Variants in JHY observed in about 807,000 individuals in gnomAD.
JHY encodes the protein jhy protein homolog.
In JHY, 69 loss-of-function variants were observed where a neutral mutation model predicts 78.0. The ratio of observed to expected loss-of-function variants is 0.88; its 90% CI spans 0.73 to 1.08. The LOEUF is 1.08. JHY is among the 50% of genes least tolerant of loss of function. The probability of loss-of-function intolerance (pLI) is 0.00; values close to 1 mark genes in which losing one functional copy is unlikely to be tolerated. For missense variants in JHY, 944 were observed against 927.8 expected, an observed-to-expected ratio of 1.02 and a Z score of -0.23; for synonymous variants, 368 against 342.6, an observed-to-expected ratio of 1.07 and a Z score of -0.82.
chr11:122,910,816 AT>A (rs1278583116), intron 3 of JHY, among the ~76,000 whole-genome samples: 19 of 152,156 alleles, frequency 1.2e-4, no homozygotes, highest in Admixed American at 9.8e-4. Flanking sequence ...AGAACTATTG[AT>A]TTTTAAAGTC....
Position 122,904,298 on chromosome 11 carries a change from C to A in JHY, c.718C>A (p.Leu240Met). 2.5e-5 allele frequency: 40 copies of A among 1,614,156 alleles called. No individual in the cohort carries two copies. The highest frequency in any genetic ancestry group is 3.4e-5 in the Non-Finnish European group (40 of 1,180,026). The stretch of plus-strand genomic sequence containing the variant: ...CTCAAGTTCACATAACGAGGTTTTC[C>A]TGCCGGGATCACGTGGCCCTCGGCG... Reference protein sequence around the residue: ...KSSSSHNEVFLPGSRGPRRRK... With the variant: ...KSSSSHNEVFMPGSRGPRRRK... Residue 240 changes from leucine (L) to methionine (M), a missense_variant, in exon 3 of 9, where the codon CTG becomes ATG. Transcript: ENST00000227349.
chr11:122,957,389 A>T lies in JHY; in HGVS notation c.2037A>T (p.Glu679Asp), dbSNP rs1354308615. Reference sequence around the variant, plus strand: ...CGCAAAAATTAATACAGCAAAAGGAATATGCAAAACAAGTCAAGGAGTACA... The same window carrying T: ...CGCAAAAATTAATACAGCAAAAGGATTATGCAAAACAAGTCAAGGAGTACA... ...DKTQKLIQQKEYAKQVKEYNM... is the reference protein window; with the variant it reads ...DKTQKLIQQKDYAKQVKEYNM... The change falls in exon 8 of 9, where the codon GAA (glutamate) becomes GAT (aspartate). Residue 679 changes from glutamate (E) to aspartate (D), a missense_variant. Transcript: ENST00000227349. 4.6e-6 allele frequency: 7 copies of T among 1,533,640 alleles called. No individual in the cohort carries two copies. The highest frequency in any genetic ancestry group is 6.1e-6 in the Non-Finnish European group (7 of 1,153,402).
intron 2 of JHY, among the ~76,000 whole-genome samples, chr11:122,894,322 A>C (rs879719621): frequency 7.9e-5 from 12 of 152,116 alleles, no homozygotes; most frequent in South Asian, 2.1e-4. Flanking sequence ...CAAAACAAAA[A>C]AAAAGCAAAC....
At position 122,924,843 on chromosome 11, in the gene JHY, C is replaced by T. The variant is rs1353181272; in HGVS notation, c.865-54C>T. 6 of 1,419,890 alleles carry T rather than the reference C, an allele frequency of 4.2e-6. No homozygotes were observed. In the African/African-American group the frequency reaches 8.5e-5, roughly 20 times the overall value. The allele number at this position is 1,419,890 out of a possible 1,614,324, so 88.0% of individuals were successfully genotyped here. A position where few individuals can be genotyped will look rare whatever the true frequency, so the allele number is the denominator to read the frequency against. ...GAGTGCACAGACTTGAGTCCCATGG[C>T]TCTAAGACTAAAATGAATCCAGTTA... On this transcript the variant is annotated intron_variant, in intron 3 of 8. Coordinates refer to ENST00000227349, the MANE Select transcript of JHY (RefSeq NM_024806.4).
chr11:122,939,394 A>G (rs543194223), intron 5 of JHY, among the ~76,000 whole-genome samples: 5 of 152,238 alleles, frequency 3.3e-5, no homozygotes, highest in East Asian at 3.9e-4. Context: ...ACAGGATTCT[A>G]TGGTGTAAAC....
In JHY at chr11:122,959,328, A is replaced by G. The variant is rs978532581; in HGVS notation, c.2220A>G (p.Pro740=). The G allele has an allele frequency of 1.2e-6, 2 of 1,614,050 alleles. No homozygotes were observed. Among genetic ancestry groups the G allele is most frequent in the African/African-American group, 2.7e-5 (2 of 74,916 alleles). ...THQASKEQKN[P]TYAGKEESLP... ...AAGCATCAAAGGAACAAAAAAATCC[A>G]ACCTATGCTGGGAAAGAAGAAAGTT... The change falls in exon 9 of 9, where the codon CCA becomes CCG. Residue 740 remains proline (P), a synonymous_variant. Coordinates refer to ENST00000227349, the MANE Select transcript of JHY (RefSeq NM_024806.4).
intron 1 of JHY, among the ~76,000 whole-genome samples, chr11:122,885,368 A>G (rs1172998666): frequency 6.6e-6 from 1 of 152,186 alleles, no homozygotes; most frequent in East Asian, 1.9e-4. Flanking sequence ...ATGAATAACT[A>G]CGGACCATAT....
intron 2 of JHY, among the ~76,000 whole-genome samples, chr11:122,888,101 C>T (rs1338416348): frequency 6.6e-6 from 1 of 151,832 alleles, no homozygotes; most frequent in Non-Finnish European, 1.5e-5. Context: ...TCATAAGTGT[C>T]TTAGTGATAT....
At chr11:122,928,572 C>CA (rs1486551541) in intron 4 of JHY, among the ~76,000 whole-genome samples, 1 of 147,970 alleles carries the variant, frequency 6.8e-6, no homozygotes. Context: ...AAAAAACAAG[C>CA]AAACAAACAA....
At chr11:122,921,092 T>C (rs1169602596) in intron 3 of JHY, among the ~76,000 whole-genome samples, 1 of 151,680 alleles carries the variant, frequency 6.6e-6, no homozygotes, top group Non-Finnish European at 1.5e-5. Context: ...AAAGAGATAA[T>C]GTAGAAGTAT....
chr11:122,942,029 G>A (rs903590612), intron 5 of JHY, among the ~76,000 whole-genome samples: 8 of 152,102 alleles, frequency 5.3e-5, no homozygotes, highest in Non-Finnish European at 1.2e-4. Flanking sequence ...GTGACACCAT[G>A]CCCAGCTAAT....
chr11:122,963,325 C>T lies in JHY; in HGVS notation c.*3880C>T, dbSNP rs186259648. 6.6e-6 allele frequency among the ~76,000 whole-genome samples: 1 copy of T among 152,102 alleles called. No homozygotes were observed. Among genetic ancestry groups the T allele is most frequent in the Non-Finnish European group, 1.5e-5 (1 of 68,002 alleles). On this transcript the variant is annotated 3_prime_UTR_variant, in exon 9 of 9. Transcript: ENST00000227349. The stretch of plus-strand genomic sequence containing the variant: ...CAACATTTCACAGGATTCTTACCCC[C>T]AAGGCAACTCTTTACTATCCAGTAC...
At chr11:122,927,537 C>A (rs769317423) in intron 4 of JHY, among the ~76,000 whole-genome samples, 1 of 152,058 alleles carries the variant, frequency 6.6e-6, no homozygotes. Flanking sequence ...TCTTCAACTA[C>A]CCAAGTCCAA....
chr11:122,957,364 C>T lies in JHY; in HGVS notation c.2012C>T (p.Thr671Met), dbSNP rs368088863. Reference protein sequence around the residue: ...GPDFESIRDKTQKLIQQKEYA... With the variant: ...GPDFESIRDKMQKLIQQKEYA... The stretch of plus-strand genomic sequence containing the variant: ...TCATAACTTTGTTTCTCTGAACAGA[C>T]GCAAAAATTAATACAGCAAAAGGAA... The change falls in exon 8 of 9, where the codon ACG becomes ATG. Residue 671 changes from threonine (T) to methionine (M), a missense_variant and splice_region_variant. Coordinates refer to ENST00000227349, the MANE Select transcript of JHY (RefSeq NM_024806.4). The T allele has an allele frequency of 6.6e-5, 100 of 1,524,342 alleles. No homozygotes were observed. The highest frequency in any genetic ancestry group is 2.0e-4 in the African/African-American group (14 of 68,590). The allele number at this position is 1,524,342 out of a possible 1,614,324, so 94.4% of individuals were successfully genotyped here. A position where few individuals can be genotyped will look rare whatever the true frequency, so the allele number is the denominator to read the frequency against.
intron 6 of JHY, among the ~76,000 whole-genome samples, chr11:122,955,521 A>T (rs1237588893): frequency 6.6e-6 from 1 of 152,100 alleles, no homozygotes; most frequent in Admixed American, 6.6e-5. Flanking sequence ...CCTGCCTATT[A>T]TTGTGCTCAG....
intron 2 of JHY, among the ~76,000 whole-genome samples, chr11:122,903,248 T>C (rs1168704061): frequency 6.6e-6 from 1 of 152,232 alleles, no homozygotes; most frequent in Admixed American, 6.5e-5. Context: ...CCAGCTGAAA[T>C]ACTGAGTCAT....
At chr11:122,937,242 C>CTTTTTTTTTTTT (rs11353255) in intron 5 of JHY, among the ~76,000 whole-genome samples, 3 of 137,668 alleles carry the variant, frequency 2.2e-5, no homozygotes, top group Non-Finnish European at 3.1e-5. Context: ...CTTTTCATTT[C>CTTTTTTTTTTTT]TTTTTTTTTT....
chr11:122,894,307 A>G (rs1591369307), intron 2 of JHY, among the ~76,000 whole-genome samples: 1 of 152,086 alleles, frequency 6.6e-6, no homozygotes, highest in Admixed American at 6.6e-5. Context: ...CTCCATCTCA[A>G]AAAACAAAAC....
At chr11:122,903,657 T>A (rs1862910433) in intron 2 of JHY, among the ~76,000 whole-genome samples, 1 of 152,008 alleles carries the variant, frequency 6.6e-6, no homozygotes, top group African/African-American at 2.4e-5. Context: ...TTTAAAAAAA[T>A]TTGTTGTAAA....
Sources: allele counts gnomAD v4.1 joint callset (sites outside exome capture counted in the v4.1 genomes callset), GRCh38; gene constraint gnomAD v4.1.1; transcripts MANE v1.5; gene names NCBI Gene and HGNC (gene_info 2026-07-23, HGNC 2026-07-21).